The following ARSD variants were observed in gnomAD, a reference collection of about 807,000 sequenced individuals.
ARSD encodes arylsulfatase D.
In ARSD, 21 loss-of-function variants were observed where a neutral mutation model predicts 32.6. The ratio of observed to expected loss-of-function variants is 0.64; its 90% confidence interval spans 0.46 to 0.93. ARSD has a LOEUF of 0.93. Ranked by LOEUF, ARSD falls within the 40% of genes least tolerant of loss-of-function variation. The pLI, the probability that ARSD is intolerant of heterozygous loss-of-function variation, is 0.00. For synonymous variants in ARSD, 224 were observed against 237.4 expected (o/e 0.94, Z 0.52); for missense variants, 454 against 520.9 (o/e 0.87, Z 1.25).
chrX:2,910,470 T>C (rs2088893211), intron 7 of ARSD, among the ~76,000 whole-genome samples, 189 bp downstream of exon 7: 1 of 111,434 alleles, frequency 9.0e-6, no homozygotes, highest in Admixed American at 9.6e-5. Context: ...TGTAAACCCT[T>C]TAAAGGAAGG....
intron 6 of ARSD, among the ~76,000 whole-genome samples, chrX:2,912,589 G>A (rs1302700371): frequency 3.6e-5 from 4 of 111,005 alleles, no homozygotes; most frequent in South Asian, 3.9e-4. Context: ...TCTTTCGGTC[G>A]ACCCCAAGAT....
In ARSD at chrX:2,907,383, G is replaced by A. The variant is rs1408782390; in HGVS notation, c.1670C>T (p.Pro557Leu). The A allele has an allele frequency of 8.3e-7, 1 of 1,210,642 alleles. No individual in the cohort carries two copies. The highest frequency in any genetic ancestry group is 1.7e-5 in the African/African-American group (1 of 57,381). ...GCTCATGGAAAACTGCTGGGGCACA[G>A]GACTCAGGGTCTGCCGATGCTCCGA... ...AVSEHRQTLS[P>L]VPQQFSMSNI... is the part of the protein sequence containing the mutation. Residue 557 changes from proline to leucine, a missense_variant, in exon 10 of 10, where the codon CCT (proline) becomes CTT (leucine). This residue lies in a region of ARSD where 179 missense variants were observed against 198.5 expected (regional missense o/e 0.90). Coordinates refer to ENST00000381154, the MANE Select transcript of ARSD (RefSeq NM_001669.4).
chrX:2,915,755 A>C, intron 5 of ARSD, 63 bp from the exon 6 acceptor site: 2 of 1,091,742 alleles, frequency 1.8e-6, no homozygotes, highest in Non-Finnish European at 2.5e-6. Context: ...GGACCCCTGC[A>C]CCCATACGTT....
At chrX:2,914,134 C>T in intron 6 of ARSD, 7 of 754,193 alleles carry the variant, frequency 9.3e-6, no homozygotes, top group Non-Finnish European at 1.1e-5. Context: ...TGGACTAATA[C>T]AGTTGATTTT....
At chrX:2,928,279 G>A (rs1250649429) in intron 1 of ARSD, among the ~76,000 whole-genome samples, 1 of 101,050 alleles carries the variant, frequency 9.9e-6, no homozygotes, top group Non-Finnish European at 2.0e-5. Flanking sequence ...TGGTGGAGAT[G>A]GGGACGGGAC....
chrX:2,913,520 C>T (rs2088920633), intron 6 of ARSD: 8 of 975,151 alleles, frequency 8.2e-6, no homozygotes, highest in Non-Finnish European at 1.1e-5. Context: ...ACCAATCCCG[C>T]CCTATCACTA....
intron 6 of ARSD, among the ~76,000 whole-genome samples, chrX:2,911,435 C>G (rs1432166630): frequency 9.1e-6 from 1 of 109,381 alleles, no homozygotes; most frequent in East Asian, 2.9e-4. Flanking sequence ...CTTTCGGAGG[C>G]TGAGGCGGGT....
intron 1 of ARSD, among the ~76,000 whole-genome samples, chrX:2,928,931 C>T (rs1009445609): frequency 2.7e-5 from 3 of 112,335 alleles, no homozygotes; most frequent in Admixed American, 9.3e-5. Flanking sequence ...TTCCTCCGCC[C>T]TCCCTTCCCT....
At position 2,904,348 on chromosome X, in the gene ARSD, G is replaced by A. The variant is rs2088837290; in HGVS notation, c.*2923C>T. The A allele has an allele frequency of 9.0e-6, 1 of 111,593 alleles. No individual in the cohort carries two copies. The highest frequency in any genetic ancestry group is 3.3e-5 in the African/African-American group (1 of 30,656). The allele number at this position is 111,593 out of a possible 1,213,427, so 9.2% of individuals were successfully genotyped here. On this transcript the variant is annotated 3_prime_UTR_variant, in exon 10 of 10. Coordinates refer to ENST00000381154, the MANE Select transcript of ARSD (RefSeq NM_001669.4). ...CAACGCAAGTCAGAGGCTCAGCCCA[G>A]ATCCAAGGGCAGGGAAGAGGCTCCA...
intron 6 of ARSD, chrX:2,913,682 G>T (rs957939194): frequency 1.0e-6 from 1 of 978,276 alleles, no homozygotes; most frequent in African/African-American, 2.0e-5. Context: ...TATTGCTTTA[G>T]TTTCTGTAAC....
intron 7 of ARSD, among the ~76,000 whole-genome samples, chrX:2,910,185 G>A (rs763099884): frequency 1.8e-5 from 2 of 110,480 alleles, no homozygotes; most frequent in East Asian, 2.8e-4. Context: ...TCGGTGGGTC[G>A]CTGTGGCTGA....
chrX:2,922,842 C>CAAAAA (rs60380048), intron 2 of ARSD, among the ~76,000 whole-genome samples: 64 of 43,709 alleles, frequency 1.5e-3, no homozygotes, highest in Non-Finnish European at 2.0e-3. Context: ...GACCGTGTCT[C>CAAAAA]AAAAAAAAAA....
intron 6 of ARSD, among the ~76,000 whole-genome samples, chrX:2,911,102 C>T (rs1158173645): frequency 4.5e-5 from 5 of 112,272 alleles, no homozygotes; most frequent in East Asian, 2.8e-4. Flanking sequence ...CCGGGCCTGG[C>T]GGCTCACACC....
intron 4 of ARSD, among the ~76,000 whole-genome samples, chrX:2,919,404 C>G (rs1469728663): frequency 6.6e-5 from 7 of 106,316 alleles, no homozygotes; most frequent in Non-Finnish European, 9.6e-5. Context: ...ACGGGGACAG[C>G]ACCTCTAAAC....
chrX:2,929,151 GC>G, intron 1 of ARSD, 80 bp downstream of exon 1: 1 of 902,937 alleles, frequency 1.1e-6, no homozygotes, highest in Non-Finnish European at 1.4e-6. Flanking sequence ...CGCCCGGGGC[GC>G]CCCTCGCCGT....
At chrX:2,912,854 C>T (rs764067870) in intron 6 of ARSD, among the ~76,000 whole-genome samples, 1 of 112,231 alleles carries the variant, frequency 8.9e-6, no homozygotes, top group Non-Finnish European at 1.9e-5. Flanking sequence ...GTTGCTTTAT[C>T]CCTGGAGGCC....
At chrX:2,921,376 CATCT>C (rs1327964268) in intron 3 of ARSD, among the ~76,000 whole-genome samples, 1 of 111,769 alleles carries the variant, frequency 8.9e-6, no homozygotes, top group East Asian at 2.8e-4. Context: ...CATTATCTAT[CATCT>C]ATCATTATCT....
intron 8 of ARSD, 123 bp downstream of exon 8, chrX:2,909,683 CAAAAAAAAAAA>C (rs751282477): frequency 3.5e-6 from 1 of 285,968 alleles, no homozygotes; most frequent in South Asian, 9.2e-5. Context: ...GACTCTGTCT[CAAAAAAAAAAA>C]AAAAAAAAAG....
chrX:2,926,798 T>G (rs2089086521), intron 1 of ARSD, among the ~76,000 whole-genome samples: 1 of 111,740 alleles, frequency 8.9e-6, no homozygotes, highest in Non-Finnish European at 1.9e-5. Context: ...TATTATTCTT[T>G]TTTTTCTTTT....
Sources: allele counts gnomAD v4.1 joint callset (sites outside exome capture counted in the v4.1 genomes callset), GRCh38; gene constraint gnomAD v4.1.1; regional missense constraint gnomAD v4.1.1; transcripts MANE v1.5; gene names NCBI Gene and HGNC (gene_info 2026-07-23, HGNC 2026-07-21).